The following AKAP6 variants were observed in gnomAD, a reference collection of about 807,000 sequenced individuals.
AKAP6 encodes A-kinase anchor protein 6.
A neutral mutation model predicts 188.5 loss-of-function variants in AKAP6; 58 were observed. The observed-to-expected ratio is 0.31, with a 90% confidence interval of 0.25 to 0.38. AKAP6 has a LOEUF of 0.38. AKAP6 is among the 10% of genes least tolerant of loss of function. The pLI, the probability that AKAP6 is intolerant of heterozygous loss-of-function variation, is 1.00. For synonymous variants in AKAP6, 989 were observed against 998.6 expected, an observed-to-expected ratio of 0.99 and a Z score of 0.18; for missense variants, 2,710 against 2,740.0, an observed-to-expected ratio of 0.99 and a Z score of 0.24.
chr14:32,368,544 G>A (rs1476981407), intron 1 of AKAP6, among the ~76,000 whole-genome samples: 1 of 152,066 alleles, frequency 6.6e-6, no homozygotes, highest in Non-Finnish European at 1.5e-5. Context: ...AAGGAATTAG[G>A]CAGGAGATTA....
chr14:32,818,614 T>C (rs1404309447), intron 12 of AKAP6, among the ~76,000 whole-genome samples: 1 of 152,144 alleles, frequency 6.6e-6, no homozygotes, highest in Admixed American at 6.6e-5. Flanking sequence ...AACTATATTT[T>C]ACTGAGCAAA....
At chr14:32,433,981 T>C in intron 2 of AKAP6, 164 bp downstream of exon 2, 1 of 632,104 alleles carries the variant, frequency 1.6e-6, no homozygotes, top group Non-Finnish European at 2.5e-6. Flanking sequence ...TAATTAATTC[T>C]TCTCTGATTT....
At chr14:32,608,467 T>C (rs1886217392) in intron 7 of AKAP6, among the ~76,000 whole-genome samples, 1 of 138,864 alleles carries the variant, frequency 7.2e-6, no homozygotes, top group Non-Finnish European at 1.5e-5. Context: ...GCCACTGCAC[T>C]CCAGCCTGAG....
intron 2 of AKAP6, among the ~76,000 whole-genome samples, chr14:32,471,931 C>T (rs1469877840): frequency 6.6e-6 from 1 of 152,064 alleles, no homozygotes; most frequent in Non-Finnish European, 1.5e-5. Context: ...AAAAATAGTC[C>T]CTATGAGATT....
intron 5 of AKAP6, among the ~76,000 whole-genome samples, chr14:32,583,040 G>A (rs140468291): frequency 2.9e-4 from 44 of 152,294 alleles, no homozygotes; most frequent in African/African-American, 8.4e-4. Flanking sequence ...GAGGAACTGC[G>A]TTCCTTTGGA....
At chr14:32,726,422 G>C (rs1442324584) in intron 9 of AKAP6, among the ~76,000 whole-genome samples, 7 of 152,182 alleles carry the variant, frequency 4.6e-5, no homozygotes, top group Non-Finnish European at 1.0e-4. Context: ...GACATCATTT[G>C]GGAGCGTTTT....
At chr14:32,812,648 T>G (rs1014010625) in intron 12 of AKAP6, among the ~76,000 whole-genome samples, 1 of 152,162 alleles carries the variant, frequency 6.6e-6, no homozygotes, top group Non-Finnish European at 1.5e-5. Context: ...GAAAGTAACT[T>G]TTTTCTACAG....
intron 12 of AKAP6, among the ~76,000 whole-genome samples, chr14:32,795,804 A>T (rs1259367991): frequency 6.6e-6 from 1 of 152,196 alleles, no homozygotes; most frequent in Non-Finnish European, 1.5e-5. Context: ...CAAGAGAAAG[A>T]AATAAAGGGC....
At chr14:32,534,964 T>TA (rs1183676680) in intron 2 of AKAP6, among the ~76,000 whole-genome samples, 310 of 45,976 alleles carry the variant, frequency 6.7e-3, no homozygotes, top group African/African-American at 0.012. Context: ...AAACTCTATC[T>TA]AAAAAAAAAA....
intron 7 of AKAP6, among the ~76,000 whole-genome samples, chr14:32,650,002 T>C (rs1331620891): frequency 1.3e-5 from 2 of 152,220 alleles, no homozygotes; most frequent in African/African-American, 4.8e-5. Context: ...AAAGGGCTCT[T>C]GTTCTTCCTT....
chr14:32,657,581 G>A (rs1190475350), intron 7 of AKAP6, among the ~76,000 whole-genome samples: 1 of 152,080 alleles, frequency 6.6e-6, no homozygotes, highest in Non-Finnish European at 1.5e-5. Flanking sequence ...CTTATATCCA[G>A]CACGGGCTTA....
chr14:32,621,490 GT>G (rs1170571909), intron 7 of AKAP6, among the ~76,000 whole-genome samples: 2 of 151,860 alleles, frequency 1.3e-5, no homozygotes, highest in African/African-American at 4.8e-5. Context: ...ATTTTAAGGG[GT>G]TTTTTGGATT....
At chr14:32,552,121 G>A (rs1189777050) in intron 4 of AKAP6, among the ~76,000 whole-genome samples, 1 of 152,312 alleles carries the variant, frequency 6.6e-6, no homozygotes, top group South Asian at 2.1e-4. Flanking sequence ...CTGGTGTACA[G>A]TAATTGCTCG....
chr14:32,440,781 G>A (rs1890548180), intron 2 of AKAP6, among the ~76,000 whole-genome samples: 1 of 152,176 alleles, frequency 6.6e-6, no homozygotes, highest in African/African-American at 2.4e-5. Flanking sequence ...TGAGGTTGAT[G>A]TATTTGTTGA....
chr14:32,520,253 T>C (rs1881749692), intron 2 of AKAP6, among the ~76,000 whole-genome samples: 1 of 152,162 alleles, frequency 6.6e-6, no homozygotes, highest in South Asian at 2.1e-4. Flanking sequence ...AGGAAAGATC[T>C]AAAATTGATA....
At position 32,834,361 on chromosome 14, in the gene AKAP6, G is replaced by C. The variant is rs1044860854; in HGVS notation, c.*4556G>C. 6.6e-6 allele frequency: 1 copy of C among 151,944 alleles called. No individual in the cohort carries two copies. The highest frequency in any genetic ancestry group is 2.4e-5 in the African/African-American group (1 of 41,352). 9.4% of individuals were successfully genotyped at this position (151,944 alleles called of 1,614,324 possible). On this transcript the variant is annotated 3_prime_UTR_variant, in exon 14 of 14. Coordinates refer to ENST00000280979, the MANE Select transcript of AKAP6 (RefSeq NM_004274.5). ...AGATTGCACCACTGCACTCCAGCCT[G>C]GGCAAGAAGAGTGAAATTTTGTCTC...
chr14:32,438,576 A>C (rs1258711076), intron 2 of AKAP6: 1 of 152,250 alleles, frequency 6.6e-6, no homozygotes, highest in East Asian at 1.9e-4. Context: ...GAATAAAAGC[A>C]GAGATTGAAA....
chr14:32,545,319 T>C lies in AKAP6; in HGVS notation c.666T>C (p.Ile222=). 1.2e-6 allele frequency: 2 copies of C among 1,614,180 alleles called. No homozygotes were observed. The highest frequency in any genetic ancestry group is 2.2e-5 in the South Asian group (2 of 91,080). The part of the protein sequence containing the change: ...SQNYLSLDCG[I]TAFELSDYSP... Reference sequence around the variant, plus strand: ...ATTACTTGTCTCTGGATTGTGGCATTACTGCATTCGAACTGTCTGACTACA... The same window carrying C: ...ATTACTTGTCTCTGGATTGTGGCATCACTGCATTCGAACTGTCTGACTACA... The change falls in exon 4 of 14, where the codon ATT becomes ATC. Residue 222 remains isoleucine (I), a synonymous_variant. Coordinates refer to ENST00000280979, the MANE Select transcript of AKAP6 (RefSeq NM_004274.5).
chr14:32,338,595 T>G (rs1238857879), intron 1 of AKAP6, among the ~76,000 whole-genome samples: 2 of 152,080 alleles, frequency 1.3e-5, no homozygotes, highest in African/African-American at 4.8e-5. Context: ...CCTTCTTGAC[T>G]TACTCCATCT....
Sources: allele counts gnomAD v4.1 joint callset (sites outside exome capture counted in the v4.1 genomes callset), GRCh38; gene constraint gnomAD v4.1.1; transcripts MANE v1.5; gene names NCBI Gene and HGNC (gene_info 2026-07-23, HGNC 2026-07-21).